Variants in TTC39B observed in about 807,000 individuals in gnomAD.
TTC39B encodes tetratricopeptide repeat domain 39B.
TTC39B carries 92 observed loss-of-function variants against 96.6 expected under a neutral mutation model. The ratio of observed to expected loss-of-function variants is 0.95; its 90% CI spans 0.80 to 1.13. The LOEUF (loss-of-function observed/expected upper bound fraction) is 1.13, where lower values mean the gene tolerates loss of function less well. TTC39B is among the 50% of genes most tolerant of loss of function. The pLI, the probability that TTC39B is intolerant of heterozygous loss-of-function variation, is 0.00. For synonymous variants in TTC39B, 367 were observed against 299.4 expected (o/e 1.23, Z -2.33); for missense variants, 955 against 809.3 (o/e 1.18, Z -2.18).
chr9:15,296,649 C>A lies in TTC39B; in HGVS notation c.240+10435G>T, dbSNP rs113343843. On this transcript the variant is annotated intron_variant, in intron 1 of 19. Coordinates refer to ENST00000512701, the Ensembl canonical transcript of TTC39B. The stretch of plus-strand genomic sequence containing the variant: ...AGCTGGGATTACAGGCATATGCCAC[C>A]ATGCCCAGCAAATTTTTGTATTTTT... Among the ~76,000 whole-genome samples, 770 of 152,290 alleles carry A rather than the reference C, an allele frequency of 5.1e-3. 10 individuals carry two copies. The highest frequency in any genetic ancestry group is 0.017 in the African/African-American group (712 of 41,566).
intron 1 of TTC39B, among the ~76,000 whole-genome samples, 185 bp from the exon 2 acceptor site, chr9:15,268,133 T>A (rs763917415): frequency 7.2e-5 from 11 of 152,138 alleles, no homozygotes; most frequent in African/African-American, 2.4e-4. Context: ...CAGATGCATT[T>A]CAGTGACGTT....
At chr9:15,182,474 G>C (rs1372780406) in intron 16 of TTC39B, 59 bp from the exon 17 acceptor site, 14 of 1,164,056 alleles carry the variant, frequency 1.2e-5, no homozygotes, top group Non-Finnish European at 1.7e-5. Context: ...TGTCCTTTAT[G>C]ATCCCCAAAC....
chr9:15,253,875 A>G (rs79957545), intron 2 of TTC39B, among the ~76,000 whole-genome samples: 3,980 of 152,266 alleles, frequency 0.026, 168 homozygotes, highest in African/African-American at 0.091. Context: ...TTAATATTTA[A>G]ACAATAACAT....
At chr9:15,185,382 T>A in exon 16 of TTC39B, 1 of 1,613,790 alleles carries the variant, frequency 6.2e-7, no homozygotes, top group Non-Finnish European at 8.5e-7. Context: ...TCCCGGCAAT[T>A]CTCTGCTTCA....
intron 2 of TTC39B, among the ~76,000 whole-genome samples, chr9:15,264,721 C>T (rs1586977968): frequency 7.8e-6 from 1 of 128,358 alleles, no homozygotes; most frequent in South Asian, 2.2e-4. Flanking sequence ...TTCTATATAA[C>T]AATTTTACTA....
Position 15,210,077 on chromosome 9 carries a change from A to T in TTC39B, c.691+11T>A. ...ATCAAGGAAAAAAGTGATCTTTTAA[A>T]TGACTTTTACCTTCACTCAGTTGCT... On this transcript the variant is annotated intron_variant, in intron 6 of 19. Transcript: ENST00000512701. 6.3e-7 allele frequency: 1 copy of T among 1,579,120 alleles called. No individual in the cohort carries two copies. Among genetic ancestry groups the T allele is most frequent in the Non-Finnish European group, 8.6e-7 (1 of 1,161,208 alleles).
chr9:15,265,036 A>G (rs1337763033), intron 2 of TTC39B, among the ~76,000 whole-genome samples: 1 of 152,120 alleles, frequency 6.6e-6, no homozygotes, highest in Non-Finnish European at 1.5e-5. Context: ...TTGACAAAGG[A>G]GGTATCAAAT....
chr9:15,235,023 C>CAATAATA (rs1821706623), intron 2 of TTC39B, among the ~76,000 whole-genome samples: 1 of 145,054 alleles, frequency 6.9e-6, no homozygotes, highest in Non-Finnish European at 1.5e-5. Flanking sequence ...CAAGAATGAT[C>CAATAATA]AATAAATAAA....
chr9:15,279,595 C>T (rs1312785232), intron 1 of TTC39B, among the ~76,000 whole-genome samples: 1 of 152,118 alleles, frequency 6.6e-6, no homozygotes, highest in African/African-American at 2.4e-5. Context: ...ATGTGAAAAG[C>T]ACTTAGAACA....
intron 1 of TTC39B, among the ~76,000 whole-genome samples, chr9:15,281,651 T>A (rs61544174): frequency 0.052 from 4,843 of 92,426 alleles, 330 homozygotes; most frequent in African/African-American, 0.24. Flanking sequence ...AAAAAAAAAA[T>A]GGCAAAAAGC....
chr9:15,272,071 T>C (rs535837431), intron 1 of TTC39B, among the ~76,000 whole-genome samples: 1 of 152,164 alleles, frequency 6.6e-6, no homozygotes, highest in Non-Finnish European at 1.5e-5. Context: ...GAAAGACCAG[T>C]GCTTCCTTTC....
chr9:15,168,880 T>A (rs1221481742), exon 20 of TTC39B: 2 of 152,184 alleles, frequency 1.3e-5, no homozygotes, highest in African/African-American at 4.8e-5. Flanking sequence ...ATTGTTAGTG[T>A]CTATCACAAC....
At chr9:15,209,285 G>A (rs1346651818) in intron 6 of TTC39B, among the ~76,000 whole-genome samples, 4 of 152,058 alleles carry the variant, frequency 2.6e-5, no homozygotes, top group Admixed American at 6.6e-5. Flanking sequence ...CAGGGGGCAC[G>A]TCAAGCAATT....
In TTC39B at chr9:15,187,417, A is replaced by G. The variant is rs79635905; in HGVS notation, c.1396-382T>C. 8.7e-3 allele frequency among the ~76,000 whole-genome samples: 1,326 copies of G among 152,318 alleles called. 10 individuals are homozygous for G. Among genetic ancestry groups the G allele is most frequent in the African/African-American group, 0.03 (1,246 of 41,570 alleles). ...AACATGATTAAGATTTCATAACTTT[A>G]TAAGTACAACTCATTTTCAGAGATA... On this transcript the variant is annotated intron_variant, in intron 14 of 19. Transcript: ENST00000512701.
intron 2 of TTC39B, chr9:15,249,773 A>T (rs1822449271): frequency 1.8e-6 from 1 of 547,454 alleles, no homozygotes; most frequent in Non-Finnish European, 2.6e-6. Flanking sequence ...AGACAATGTC[A>T]TCTAACAAAA....
chr9:15,232,903 T>C (rs950125319), intron 2 of TTC39B, among the ~76,000 whole-genome samples: 5 of 152,158 alleles, frequency 3.3e-5, no homozygotes, highest in Non-Finnish European at 5.9e-5. Context: ...GGGCCAGTGG[T>C]GCCGGGAGAC....
chr9:15,165,878 C>T (rs911976707), exon 20 of TTC39B: 5 of 152,128 alleles, frequency 3.3e-5, no homozygotes, highest in Admixed American at 6.5e-5. Flanking sequence ...ATATCAACCA[C>T]ACAGCACTTC....
intron 3 of TTC39B, among the ~76,000 whole-genome samples, chr9:15,219,143 T>A (rs1354746158): frequency 6.6e-6 from 1 of 152,230 alleles, no homozygotes; most frequent in African/African-American, 2.4e-5. Context: ...CCCAGTTCTG[T>A]AACCTTGAAC....
intron 2 of TTC39B, among the ~76,000 whole-genome samples, chr9:15,256,737 G>C (rs1586966896): frequency 6.6e-6 from 1 of 152,262 alleles, no homozygotes; most frequent in Admixed American, 6.5e-5. Context: ...AAAAGAGTGA[G>C]GGCAAACACG....
Sources: gnomAD v4.1 joint callset for allele counts (sites outside exome capture counted in the v4.1 genomes callset) on GRCh38, gnomAD v4.1.1 for gene constraint, MANE v1.5 for transcripts, NCBI Gene and HGNC (gene_info 2026-07-23, HGNC 2026-07-21) for gene names.